OPHN1: variants seen among roughly 807,000 people sequenced by gnomAD.
OPHN1 encodes oligophrenin 1.
A neutral mutation model predicts 60.7 loss-of-function variants in OPHN1; 11 were observed. That is an observed-to-expected ratio of 0.18 (90% CI 0.11 to 0.30). OPHN1 has a LOEUF of 0.30. Among genes scored for constraint, OPHN1 ranks in the 10% least tolerant of loss-of-function variants. The pLI, the probability that OPHN1 is intolerant of heterozygous loss-of-function variation, is 1.00. For synonymous variants in OPHN1, 226 were observed against 222.6 expected, an observed-to-expected ratio of 1.02 and a Z score of -0.14; for missense variants, 449 against 611.0, an observed-to-expected ratio of 0.73 and a Z score of 2.80.
chrX:68,132,466 G>T (rs764400216), intron 15 of OPHN1, among the ~76,000 whole-genome samples: 1 of 101,316 alleles, frequency 9.9e-6, no homozygotes, highest in African/African-American at 3.6e-5. Flanking sequence ...ACCAAACACC[G>T]CATATTCTCA....
chrX:68,283,249 C>T (rs1201454625), intron 3 of OPHN1, 132 bp from the exon 4 acceptor site: 6 of 503,294 alleles, frequency 1.2e-5, no homozygotes, highest in South Asian at 8.5e-5. Context: ...GGTGTCAAAT[C>T]GGAGGACAAA....
chrX:68,432,774 AC>A, intron 2 of OPHN1, 92 bp downstream of exon 2: 1 of 1,004,229 alleles, frequency 1.0e-6, no homozygotes, highest in Non-Finnish European at 1.4e-6. Context: ...GCTGGGAGTC[AC>A]CCTGCAATCT....
At chrX:68,371,560 T>C (rs778611949) in intron 2 of OPHN1, among the ~76,000 whole-genome samples, 1 of 111,488 alleles carries the variant, frequency 9.0e-6, no homozygotes, top group African/African-American at 3.3e-5. Context: ...TGTTGGGTTA[T>C]AATTACCTAT....
chrX:68,289,477 T>G (rs1479239581), intron 3 of OPHN1, among the ~76,000 whole-genome samples: 1 of 112,361 alleles, frequency 8.9e-6, no homozygotes, highest in African/African-American at 3.2e-5. Context: ...TTGTAAAAAT[T>G]GACAAATGTG....
chrX:68,401,075 A>G (rs1009212790), intron 2 of OPHN1, among the ~76,000 whole-genome samples: 19 of 111,750 alleles, frequency 1.7e-4, no homozygotes, highest in Non-Finnish European at 3.0e-4. Flanking sequence ...AGAAACTGCC[A>G]CCATGATCCT....
At chrX:68,324,958 G>A (rs139305484) in intron 2 of OPHN1, among the ~76,000 whole-genome samples, 1,770 of 111,071 alleles carry the variant, frequency 0.016, 36 homozygotes, top group Admixed American at 0.078. Context: ...GGCTGAGGTC[G>A]GAGGATCACT....
chrX:68,137,892 T>C (rs1254843748), intron 15 of OPHN1, among the ~76,000 whole-genome samples: 3 of 111,738 alleles, frequency 2.7e-5, no homozygotes, highest in Non-Finnish European at 3.8e-5. Context: ...CATGAATGCC[T>C]TCTATGTCAG....
At chrX:68,127,961 A>G (rs915299440) in intron 15 of OPHN1, among the ~76,000 whole-genome samples, 1 of 112,092 alleles carries the variant, frequency 8.9e-6, no homozygotes, top group Admixed American at 9.5e-5. Flanking sequence ...ACAAAAACAG[A>G]AAAGTTAAAC....
intron 10 of OPHN1, 60 bp downstream of exon 10, chrX:68,206,513 T>G: frequency 1.2e-6 from 1 of 854,869 alleles, no homozygotes; most frequent in East Asian, 3.1e-5. Flanking sequence ...CAACATATAT[T>G]CTTTTCTGAG....
At chrX:68,254,054 C>A (rs1314331051) in intron 5 of OPHN1, among the ~76,000 whole-genome samples, 1 of 111,704 alleles carries the variant, frequency 9.0e-6, no homozygotes, top group African/African-American at 3.3e-5. Context: ...TTACATGTTT[C>A]TCTCTCAGAA....
intron 5 of OPHN1, among the ~76,000 whole-genome samples, chrX:68,241,390 C>A (rs1347557748): frequency 9.0e-6 from 1 of 110,756 alleles, no homozygotes; most frequent in African/African-American, 3.3e-5. Flanking sequence ...CAAAGTGGAA[C>A]AAAGAAATAA....
At chrX:68,067,251 G>A (rs1202848843) in intron 20 of OPHN1, among the ~76,000 whole-genome samples, 4 of 111,863 alleles carry the variant, frequency 3.6e-5, no homozygotes, top group Admixed American at 9.5e-5. Context: ...AAAGTAGAAA[G>A]GGCATTCAAA....
chrX:68,244,169 T>G lies in OPHN1; in HGVS notation c.385-9581A>C, dbSNP rs1338173121. Among the ~76,000 whole-genome samples the G allele has an allele frequency of 2.7e-5, 3 of 111,707 alleles. No homozygotes were observed. In the Admixed American group the frequency reaches 2.8e-4, roughly 11 times the overall value. The stretch of plus-strand genomic sequence containing the variant: ...GCTTGTTCCTACCTCAGGACCTTTG[T>G]GCGCTTGCCATGACTAGAACACTCT... On this transcript the variant is annotated intron_variant, in intron 5 of 24. Transcript: ENST00000355520.
intron 6 of OPHN1, among the ~76,000 whole-genome samples, chrX:68,218,137 AG>A (rs1489637049): frequency 1.1e-5 from 1 of 90,273 alleles, no homozygotes; most frequent in Non-Finnish European, 2.2e-5. Context: ...AGAATGCAGA[AG>A]CCTCAGGAGC....
intron 2 of OPHN1, among the ~76,000 whole-genome samples, chrX:68,423,118 T>G (rs970562220): frequency 9.1e-6 from 1 of 110,493 alleles, no homozygotes; most frequent in Non-Finnish European, 1.9e-5. Flanking sequence ...CTCCGCCTCC[T>G]GGGTTCACTC....
At chrX:68,394,006 C>A (rs1446728813) in intron 2 of OPHN1, among the ~76,000 whole-genome samples, 1 of 100,577 alleles carries the variant, frequency 9.9e-6, no homozygotes. Flanking sequence ...CGCCATTCTC[C>A]TGCCTCAGCC....
intron 5 of OPHN1, among the ~76,000 whole-genome samples, chrX:68,251,411 C>T (rs1319597322): frequency 9.2e-6 from 1 of 109,216 alleles, no homozygotes; most frequent in Non-Finnish European, 1.9e-5. Context: ...GTCTCGATCT[C>T]CTGACCTCGT....
intron 7 of OPHN1, among the ~76,000 whole-genome samples, chrX:68,213,389 C>T (rs1160598711): frequency 9.0e-6 from 1 of 110,544 alleles, no homozygotes; most frequent in Non-Finnish European, 1.9e-5. Context: ...GAAAAATCTA[C>T]ACAAAACGAA....
intron 2 of OPHN1, among the ~76,000 whole-genome samples, chrX:68,423,018 C>CTTTT (rs1228117590): frequency 7.9e-5 from 2 of 25,345 alleles, no homozygotes; most frequent in Non-Finnish European, 1.8e-4. Flanking sequence ...ATGTAGCTTT[C>CTTTT]TTTTTTTTTT....
Sources: gnomAD v4.1 joint callset for allele counts (sites outside exome capture counted in the v4.1 genomes callset) on GRCh38, gnomAD v4.1.1 for gene constraint, MANE v1.5 for transcripts, NCBI Gene and HGNC (gene_info 2026-07-23, HGNC 2026-07-21) for gene names.